Variants in KIF7 observed in about 807,000 individuals in gnomAD.
KIF7 encodes the protein kinesin family member 7.
KIF7 carries 104 observed loss-of-function variants against 135.7 expected under a neutral mutation model. The ratio of observed to expected loss-of-function variants is 0.77; its 90% CI spans 0.65 to 0.90. The LOEUF (loss-of-function observed/expected upper bound fraction) is 0.90. Ranked by LOEUF, KIF7 falls within the 40% of genes least tolerant of loss-of-function variation. The probability of loss-of-function intolerance (pLI) is 0.00; values close to 1 mark genes in which losing one functional copy is unlikely to be tolerated. For synonymous variants in KIF7, 883 were observed against 809.4 expected, an observed-to-expected ratio of 1.09 and a Z score of -1.54; for missense variants, 2,005 against 1,839.1, an observed-to-expected ratio of 1.09 and a Z score of -1.65.
chr15:89,638,560 TA>T (rs1232756640), intron 11 of KIF7, among the ~76,000 whole-genome samples: 15 of 143,556 alleles, frequency 1.0e-4, no homozygotes, highest in Non-Finnish European at 1.9e-4. Context: ...TCAAAGAGAA[TA>T]AAATACCTAG....
chr15:89,628,478 G>C lies in KIF7; in HGVS notation c.3973C>G (p.Arg1325Gly). Residue 1325 changes from arginine to glycine, a missense_variant, in exon 19 of 19, where the codon CGG (arginine) becomes GGG (glycine). Coordinates refer to ENST00000394412, the MANE Select transcript of KIF7 (RefSeq NM_198525.3). ...PWNFGPLSKP[R>G]RELRRASPGM... ...GGGCTGGCTCGTCGCAGTTCCCGCC[G>C]GGGCTTGGACAAAGGCCCAAAGTTC... 3 of 1,611,194 alleles carry C rather than the reference G, an allele frequency of 1.9e-6. No individual in the cohort carries two copies. The highest frequency in any genetic ancestry group is 1.7e-4 in the Middle Eastern group (1 of 6,050).
chr15:89,655,069 G>A (rs1964186716), intron 1 of KIF7, among the ~76,000 whole-genome samples: 1 of 152,262 alleles, frequency 6.6e-6, no homozygotes, highest in Non-Finnish European at 1.5e-5. Context: ...TGGGGCTGGA[G>A]GCGGCGGGCG....
At chr15:89,626,135 C>A, downstream of KIF7, 1 of 1,571,360 alleles carries the variant, frequency 6.4e-7, no homozygotes, top group South Asian at 1.2e-5. Flanking sequence ...CCAGGCAGCT[C>A]GATTCTAGAG....
intron 1 of KIF7, among the ~76,000 whole-genome samples, chr15:89,620,178 C>T (rs758800614): frequency 4.2e-4 from 64 of 152,308 alleles, no homozygotes; most frequent in Middle Eastern, 6.8e-3. Context: ...ATTCTTCTAT[C>T]CATGGTTAGC....
At chr15:89,629,146 G>A (rs768586201) in intron 17 of KIF7, 24 bp from the exon 18 acceptor site, 1 of 1,610,426 alleles carries the variant, frequency 6.2e-7, no homozygotes, top group Admixed American at 1.7e-5. Flanking sequence ...GTCGAGGAGA[G>A]GGTGGTGAGG....
Position 89,649,752 on chromosome 15 carries a change from C to T in KIF7, c.518G>A (p.Arg173His), listed in dbSNP as rs768030553. 24 of 1,551,754 alleles carry T rather than the reference C, an allele frequency of 1.5e-5. No individual in the cohort carries two copies. The highest frequency in any genetic ancestry group is 2.7e-5 in the African/African-American group (2 of 73,068). Residue 173 changes from arginine (R) to histidine (H), a missense_variant, in exon 3 of 19, where the codon CGC becomes CAC. Arg to His is a conservative substitution (Grantham distance 29). Coordinates refer to ENST00000394412, the MANE Select transcript of KIF7 (RefSeq NM_198525.3). ...CCAGAGTTCCTCACCAACATTCCCG[C>T]GCTCATCTTCCCGGAGCTGGATGTC... ...SRDIQLREDE[R>H]GNVVLCGVKE...
At chr15:89,621,447 T>A (rs772229279) in intron 1 of KIF7, 1 of 1,614,090 alleles carries the variant, frequency 6.2e-7, no homozygotes, top group Admixed American at 1.7e-5. Flanking sequence ...AGTCTTCTTT[T>A]TGGGGCAATG....
chr15:89,633,941 G>A (rs1963744893), intron 11 of KIF7, 58 bp from the exon 12 acceptor site: 3 of 1,588,144 alleles, frequency 1.9e-6, no homozygotes, highest in Admixed American at 1.7e-5. Context: ...GCCTGCCATA[G>A]TGCTGGGCAC....
intron 1 of KIF7, 134 bp downstream of exon 1, chr15:89,655,265 C>CT (rs998876050): frequency 1.3e-5 from 2 of 152,326 alleles, no homozygotes; most frequent in African/African-American, 4.8e-5. Context: ...TGCCGGGCTC[C>CT]TCATGCCGGG....
chr15:89,620,870 C>T (rs558677209), intron 1 of KIF7, among the ~76,000 whole-genome samples: 85 of 151,598 alleles, frequency 5.6e-4, no homozygotes, highest in African/African-American at 2.0e-3. Flanking sequence ...CTACAGGCGC[C>T]CGCCACCACG....
intron 16 of KIF7, chr15:89,629,836 T>A (rs1328397350): frequency 3.5e-6 from 2 of 572,840 alleles, no homozygotes; most frequent in African/African-American, 3.7e-5. Context: ...GGGCAGAGCG[T>A]CAAGTTGTGG....
chr15:89,645,229 G>A (rs1963990993), intron 9 of KIF7, 64 bp from the exon 10 acceptor site: 1 of 1,604,048 alleles, frequency 6.2e-7, no homozygotes, highest in Admixed American at 1.7e-5. Flanking sequence ...GAGGAGTGGA[G>A]AGCAGGGGCT....
rs67242272 is a variant in KIF7 at position 89,653,742 on chromosome 15, TTATTAGTATTAGTATTAGTATTAG to T, written c.-24-812_-24-789del. On this transcript the variant is annotated intron_variant, in intron 1 of 18. Transcript: ENST00000394412. ...ACAGACATGTACCTGGCTAATTTTA[TTATTAGTATTAGTATTAGTATTAG>T]TATTAGTATTAGTATTAGTATTTTG... 2.7e-3 allele frequency among the ~76,000 whole-genome samples: 407 copies of T among 149,876 alleles called. 1 individual carries two copies. Among genetic ancestry groups the T allele is most frequent in the African/African-American group, 9.5e-3 (384 of 40,350 alleles).
chr15:89,648,076 C>T (rs933310550), intron 5 of KIF7, among the ~76,000 whole-genome samples, 179 bp downstream of exon 5: 1 of 152,176 alleles, frequency 6.6e-6, no homozygotes, highest in South Asian at 2.1e-4. Flanking sequence ...CAGCTGGAGA[C>T]CTGAGACTCG....
chr15:89,647,086 G>A lies in KIF7; in HGVS notation c.1561-29C>T, dbSNP rs367938646. 9.7e-6 allele frequency: 15 copies of A among 1,540,258 alleles called. 1 individual carries two copies. The highest frequency in any genetic ancestry group is 4.7e-5 in the South Asian group (4 of 85,342). The stretch of plus-strand genomic sequence containing the variant: ...CAAGACATGGTCCAGGTGCCAAGGG[G>A]GCATGAATGCCCCGACAGGCAGGAG... On this transcript the variant is annotated intron_variant, in intron 6 of 18. Transcript: ENST00000394412.
At chr15:89,624,793 G>T (rs1567053474), downstream of KIF7, 1 of 1,614,220 alleles carries the variant, frequency 6.2e-7, no homozygotes, top group Non-Finnish European at 8.5e-7. Flanking sequence ...AAGGACAGCA[G>T]ATGCTGAGAA....
At chr15:89,626,144 A>G, downstream of KIF7, 9 of 1,543,232 alleles carry the variant, frequency 5.8e-6, no homozygotes, top group Non-Finnish European at 6.1e-6. Context: ...TCGATTCTAG[A>G]GGAGCCCCAG....
At chr15:89,626,478 C>T (rs949406150), downstream of KIF7, among the ~76,000 whole-genome samples, 10 of 152,168 alleles carry the variant, frequency 6.6e-5, no homozygotes, top group Admixed American at 5.2e-4. Context: ...AATCAGCCTG[C>T]AGGCTCTAGG....
At chr15:89,631,051 C>T (rs527932556) in intron 15 of KIF7, 1 of 230,656 alleles carries the variant, frequency 4.3e-6, no homozygotes, top group South Asian at 7.3e-5. Flanking sequence ...TTATAATTTT[C>T]TGGGAGCACC....
Sources: gnomAD v4.1 joint callset for allele counts (sites outside exome capture counted in the v4.1 genomes callset) on GRCh38, gnomAD v4.1.1 for gene constraint, MANE v1.5 for transcripts, NCBI Gene and HGNC (gene_info 2026-07-23, HGNC 2026-07-21) for gene names.